MDGA2: variants seen among roughly 807,000 people sequenced by gnomAD.
The protein encoded by MDGA2 is MAM domain containing glycosylphosphatidylinositol anchor 2, also known as MAM domain-containing glycosylphosphatidylinositol anchor protein 2.
MDGA2 carries 40 observed loss-of-function variants against 117.8 expected under a neutral mutation model. That is an observed-to-expected ratio of 0.34 (90% CI 0.26 to 0.44). MDGA2 has a LOEUF of 0.44. MDGA2 is among the 20% of genes least tolerant of loss of function. The pLI is 1.00. For synonymous variants in MDGA2, 452 were observed against 439.0 expected, an observed-to-expected ratio of 1.03 and a Z score of -0.37; for missense variants, 1,123 against 1,250.6, an observed-to-expected ratio of 0.90 and a Z score of 1.54.
chr14:47,597,964 C>T (rs555478134), intron 1 of MDGA2, among the ~76,000 whole-genome samples: 48 of 151,544 alleles, frequency 3.2e-4, no homozygotes, highest in South Asian at 4.2e-4. Flanking sequence ...ATTGAGCGTG[C>T]GTATAAACCT....
chr14:47,034,082 A>C (rs896151113), intron 8 of MDGA2, among the ~76,000 whole-genome samples: 6 of 152,236 alleles, frequency 3.9e-5, no homozygotes, highest in Admixed American at 1.3e-4. Context: ...TTGTATATTT[A>C]ACAAATAGTA....
At position 47,370,468 on chromosome 14, in the gene MDGA2, G is replaced by GTTTTTTTTTTTTTTTT. The variant is rs67255552; in HGVS notation, c.281-68934_281-68919dup. Among the ~76,000 whole-genome samples, 3 of 20,684 alleles carry GTTTTTTTTTTTTTTTT rather than the reference G, an allele frequency of 1.5e-4. 1 individual carries two copies. The highest frequency in any genetic ancestry group is 3.0e-4 in the Non-Finnish European group (3 of 9,988). The allele number at this position is 20,684 out of a possible 152,430, so 13.6% of individuals were successfully genotyped here. A position where few individuals can be genotyped will look rare whatever the true frequency, so the allele number is the denominator to read the frequency against. On this transcript the variant is annotated intron_variant, in intron 1 of 16. Coordinates refer to ENST00000399232, the MANE Select transcript of MDGA2 (RefSeq NM_001113498.3). ...TTACTATTTTCTAGGTCTACTTACT[G>GTTTTTTTTTTTTTTTT]TTTTTTTTTTTTTTTTTTTTTTTTT...
chr14:47,056,481 C>T (rs1402885302), intron 7 of MDGA2, among the ~76,000 whole-genome samples: 1 of 152,048 alleles, frequency 6.6e-6, no homozygotes, highest in East Asian at 1.9e-4. Flanking sequence ...ATAAAATGTC[C>T]ATGTACTCTA....
At chr14:47,065,905 T>A (rs1279676287) in intron 6 of MDGA2, among the ~76,000 whole-genome samples, 2 of 152,182 alleles carry the variant, frequency 1.3e-5, no homozygotes, top group Non-Finnish European at 2.9e-5. Flanking sequence ...CTGGACAACC[T>A]AAAGGACTGA....
At chr14:47,183,873 C>A (rs1884805480) in intron 3 of MDGA2, among the ~76,000 whole-genome samples, 1 of 151,972 alleles carries the variant, frequency 6.6e-6, no homozygotes, top group African/African-American at 2.4e-5. Context: ...ATATATTATA[C>A]TTTCCTCTAC....
chr14:47,429,788 T>C (rs539335751), intron 1 of MDGA2, among the ~76,000 whole-genome samples: 3 of 151,830 alleles, frequency 2.0e-5, no homozygotes, highest in Non-Finnish European at 2.9e-5. Flanking sequence ...ATTTGTATTT[T>C]AGTGGGAAAG....
intron 5 of MDGA2, among the ~76,000 whole-genome samples, chr14:47,108,760 G>A (rs190697322): frequency 3.3e-5 from 5 of 152,188 alleles, no homozygotes; most frequent in Non-Finnish European, 7.4e-5. Flanking sequence ...ACACGGATGC[G>A]CAAGAAAATG....
intron 3 of MDGA2, among the ~76,000 whole-genome samples, chr14:47,189,245 C>T (rs528370663): frequency 1.1e-3 from 162 of 152,184 alleles, no homozygotes; most frequent in Non-Finnish European, 1.8e-3. Flanking sequence ...CCCATACATG[C>T]TCAGCCACAA....
intron 1 of MDGA2, among the ~76,000 whole-genome samples, chr14:47,388,651 C>T (rs1030008883): frequency 1.1e-4 from 17 of 152,114 alleles, no homozygotes; most frequent in Admixed American, 5.2e-4. Flanking sequence ...GCATCTTGAA[C>T]AGATGTAGAA....
At chr14:46,915,631 A>C (rs2138496086) in intron 10 of MDGA2, among the ~76,000 whole-genome samples, 1 of 152,272 alleles carries the variant, frequency 6.6e-6, no homozygotes, top group East Asian at 1.9e-4. Flanking sequence ...CTGAGGAAGG[A>C]GAAAAGCATC....
In MDGA2 at chr14:47,198,357, G is replaced by A. The variant is rs567191264; in HGVS notation, c.595+19664C>T. ...GGAGGCTGAGGCGGGCAGATCACGAGGTCAGGAGATCGAGACCATGATGGC... is the reference window on the plus strand; with the variant it reads ...GGAGGCTGAGGCGGGCAGATCACGAAGTCAGGAGATCGAGACCATGATGGC... On this transcript the variant is annotated intron_variant, in intron 3 of 16. Coordinates refer to ENST00000399232, the MANE Select transcript of MDGA2 (RefSeq NM_001113498.3). Among the ~76,000 whole-genome samples the A allele has an allele frequency of 2.8e-4, 43 of 152,298 alleles. No homozygotes were observed. In the East Asian group the frequency reaches 7.3e-3, roughly 26 times the overall value.
At chr14:47,600,461 G>T (rs1896627582) in intron 1 of MDGA2, among the ~76,000 whole-genome samples, 1 of 152,036 alleles carries the variant, frequency 6.6e-6, no homozygotes, top group South Asian at 2.1e-4. Context: ...TATCGTATAT[G>T]GTTGTCCCAG....
chr14:46,960,962 A>T (rs1186507519), intron 8 of MDGA2, among the ~76,000 whole-genome samples: 1 of 150,812 alleles, frequency 6.6e-6, no homozygotes, highest in Non-Finnish European at 1.5e-5. Flanking sequence ...ACACACACAC[A>T]CACACACATA....
intron 1 of MDGA2, among the ~76,000 whole-genome samples, chr14:47,304,382 A>G (rs1269393181): frequency 6.6e-6 from 1 of 152,166 alleles, no homozygotes; most frequent in Non-Finnish European, 1.5e-5. Flanking sequence ...TATTTAAACT[A>G]TGTCTGTCAT....
chr14:46,915,488 A>G (rs1473238652), intron 10 of MDGA2, among the ~76,000 whole-genome samples: 2 of 152,216 alleles, frequency 1.3e-5, no homozygotes, highest in Non-Finnish European at 2.9e-5. Flanking sequence ...CTAATGGAGA[A>G]AGATAAAATC....
chr14:46,931,439 C>A (rs1258657373), intron 9 of MDGA2, among the ~76,000 whole-genome samples: 9 of 151,208 alleles, frequency 6.0e-5, no homozygotes, highest in Non-Finnish European at 1.5e-5. Context: ...TTCAGTAGAA[C>A]TTTGGAGGAC....
At chr14:47,598,013 T>C (rs1239928618) in intron 1 of MDGA2, among the ~76,000 whole-genome samples, 3 of 152,138 alleles carry the variant, frequency 2.0e-5, no homozygotes, top group African/African-American at 7.2e-5. Context: ...TCATAAAGTG[T>C]GCTTTAGTAT....
chr14:47,074,303 C>CTT (rs35598400), intron 6 of MDGA2, among the ~76,000 whole-genome samples: 72 of 144,978 alleles, frequency 5.0e-4, no homozygotes, highest in South Asian at 1.6e-3. Flanking sequence ...AGTAACAGAA[C>CTT]TTTTTTTTTT....
In MDGA2 at chr14:47,343,225, T is replaced by C. The variant is rs1478808747; in HGVS notation, c.281-41675A>G. The C allele has an allele frequency of 2.6e-6, 3 of 1,142,926 alleles. No individual in the cohort carries two copies. In the Middle Eastern group the frequency reaches 1.2e-3, roughly 458 times the overall value. The allele number at this position is 1,142,926 out of a possible 1,614,324, so 70.8% of individuals were successfully genotyped here. A position where few individuals can be genotyped will look rare whatever the true frequency, so the allele number is the denominator to read the frequency against. On this transcript the variant is annotated intron_variant, in intron 1 of 16. Transcript: ENST00000399232. Reference sequence around the variant, plus strand: ...AGGAATGGTGATTTTTTTTGTTTGTTTGTTTTTTTCAGGAACGATTATCGA... The same window carrying C: ...AGGAATGGTGATTTTTTTTGTTTGTCTGTTTTTTTCAGGAACGATTATCGA...
Sources: allele counts gnomAD v4.1 joint callset (sites outside exome capture counted in the v4.1 genomes callset), GRCh38; gene constraint gnomAD v4.1.1; transcripts MANE v1.5; gene names NCBI Gene and HGNC (gene_info 2026-07-23, HGNC 2026-07-21).